Variants in SH3YL1 observed in about 807,000 individuals in gnomAD.
The protein encoded by SH3YL1 is SH3 domain-containing YSC84-like protein 1.
In SH3YL1, 41 loss-of-function variants were observed where a neutral mutation model predicts 45.8. The ratio of observed to expected loss-of-function variants is 0.89; its 90% CI spans 0.70 to 1.16. SH3YL1 has a LOEUF of 1.16. Ranked by LOEUF, SH3YL1 falls within the 50% of genes most tolerant of loss-of-function variation. The probability of loss-of-function intolerance (pLI) is 0.00; values close to 1 mark genes in which losing one functional copy is unlikely to be tolerated. For missense variants in SH3YL1, 389 were observed against 409.6 expected (o/e 0.95, Z 0.43); for synonymous variants, 152 against 151.4 (o/e 1.00, Z -0.03).
chr2:255,274 T>A (rs967653854), intron 1 of SH3YL1, among the ~76,000 whole-genome samples: 4 of 152,322 alleles, frequency 2.6e-5, no homozygotes, highest in Middle Eastern at 3.4e-3. Context: ...TAAAATGTGA[T>A]ATATTTTGGT....
chr2:244,414 T>C (rs1219147896), intron 4 of SH3YL1, among the ~76,000 whole-genome samples: 1 of 151,764 alleles, frequency 6.6e-6, no homozygotes, highest in Non-Finnish European at 1.5e-5. Context: ...GAGAATCACT[T>C]GAACCCAGGA....
chr2:219,150 C>T (rs976464359), intron 9 of SH3YL1, 149 bp from the exon 10 acceptor site: 28 of 557,182 alleles, frequency 5.0e-5, no homozygotes, highest in Non-Finnish European at 8.6e-5. Context: ...TAATTTTCAT[C>T]ACATTATTAA....
chr2:243,638 A>T, intron 4 of SH3YL1: 2 of 1,455,226 alleles, frequency 1.4e-6, no homozygotes, highest in Non-Finnish European at 1.8e-6. Flanking sequence ...GTTTAACTAA[A>T]CTTTAAGCAA....
In SH3YL1 at chr2:231,022, C is replaced by T; in HGVS notation, c.702+1G>A. On this transcript the variant is annotated splice_donor_variant, in intron 7 of 9. Coordinates refer to ENST00000356150, the MANE Select transcript of SH3YL1 (RefSeq NM_015677.4). LOFTEE classifies it high-confidence loss of function. ...GAGTGAAACATAAAACCAAACGGTA[C>T]AGAAGACTTCCTCTGCTCCCTTGCT... is the stretch of plus-strand genomic sequence containing the variant. 1 of 1,613,900 alleles carries T rather than the reference C, an allele frequency of 6.2e-7. No homozygotes were observed. Among genetic ancestry groups the T allele is most frequent in the African/African-American group, 1.3e-5 (1 of 75,020 alleles).
rs746208665 is a variant in SH3YL1, at chr2:244,496, A to AAAAGAAAG, written c.291+3034_291+3041dup. 9 of 151,276 alleles carry AAAAGAAAG rather than the reference A, an allele frequency of 5.9e-5. No homozygotes were observed. In the East Asian group the frequency reaches 9.8e-4, roughly 16 times the overall value. 9.4% of individuals were successfully genotyped at this position (151,276 alleles called of 1,614,324 possible). ...GGGCGACAGAGCAAGACTCTGCCTC[A>AAAAGAAAG]AAAGAAAGAAAGAAAGAAAGAAAGA... On this transcript the variant is annotated intron_variant, in intron 4 of 9. Transcript: ENST00000356150.
Position 228,624 on chromosome 2 carries a change from A to G in SH3YL1, c.781+1342T>C, listed in dbSNP as rs1028834684. Among the ~76,000 whole-genome samples, 3 of 152,336 alleles carry G rather than the reference A, an allele frequency of 2.0e-5. No homozygotes were observed. In the South Asian group the frequency reaches 6.2e-4, roughly 32 times the overall value. ...TAAAATAAAAATAAATTCAGTGCTCATATCTCATTAGTCACTGCAAATATG... is the reference window on the plus strand; with the variant it reads ...TAAAATAAAAATAAATTCAGTGCTCGTATCTCATTAGTCACTGCAAATATG... On this transcript the variant is annotated intron_variant, in intron 8 of 9. Coordinates refer to ENST00000356150, the MANE Select transcript of SH3YL1 (RefSeq NM_015677.4).
At chr2:263,653 A>T (rs1441960366) in intron 1 of SH3YL1, 1 of 311,620 alleles carries the variant, frequency 3.2e-6, no homozygotes, top group Non-Finnish European at 5.9e-6. Flanking sequence ...CAAACTTCAG[A>T]GACGCTTCTG....
chr2:264,076 G>A, upstream of SH3YL1: 1 of 1,342,734 alleles, frequency 7.4e-7, no homozygotes, highest in Non-Finnish European at 9.6e-7. Context: ...GCCCCAGCGA[G>A]GGCGTACCTG....
At chr2:253,591 C>T (rs1669175704) in intron 1 of SH3YL1, among the ~76,000 whole-genome samples, 1 of 152,280 alleles carries the variant, frequency 6.6e-6, no homozygotes, top group African/African-American at 2.4e-5. Context: ...AATTGCCCAC[C>T]CCTTTTCCAG....
At chr2:226,672 T>C (rs1344634762) in intron 8 of SH3YL1, among the ~76,000 whole-genome samples, 1 of 151,810 alleles carries the variant, frequency 6.6e-6, no homozygotes, top group African/African-American at 2.4e-5. Context: ...TGGTTGAGAA[T>C]GAAAATGGAC....
chr2:247,642 C>A (rs1215007251), intron 3 of SH3YL1, 40 bp from the exon 4 acceptor site: 6 of 1,464,874 alleles, frequency 4.1e-6, no homozygotes, highest in Non-Finnish European at 4.7e-6. Context: ...AACATTAAAA[C>A]ACCCTCGACA....
chr2:253,666 G>A (rs980125868), intron 1 of SH3YL1, among the ~76,000 whole-genome samples: 14 of 152,290 alleles, frequency 9.2e-5, no homozygotes, highest in Middle Eastern at 6.8e-3. Flanking sequence ...AGTATCCTTA[G>A]TTGAGCAGCC....
At chr2:257,919 C>A (rs950004701) in intron 1 of SH3YL1, among the ~76,000 whole-genome samples, 1 of 152,104 alleles carries the variant, frequency 6.6e-6, no homozygotes, top group East Asian at 1.9e-4. Flanking sequence ...GAGTCCTTTC[C>A]CCATTGCTTA....
chr2:240,569 A>G (rs943758751), intron 4 of SH3YL1: 7 of 152,246 alleles, frequency 4.6e-5, no homozygotes, highest in African/African-American at 1.7e-4. Context: ...AGCTAAGAAG[A>G]GCCCTCCTGA....
chr2:230,907 C>CACGA, intron 7 of SH3YL1, 116 bp downstream of exon 7: 2 of 916,668 alleles, frequency 2.2e-6, no homozygotes, highest in Non-Finnish European at 3.6e-6. Context: ...AATGTGAAGT[C>CACGA]AGTGAAACTA....
intron 1 of SH3YL1, among the ~76,000 whole-genome samples, chr2:258,063 G>C (rs1669431538): frequency 6.6e-6 from 1 of 152,176 alleles, no homozygotes; most frequent in Non-Finnish European, 1.5e-5. Context: ...TAGCTTTGTA[G>C]TATAGTTTGA....
At chr2:222,939 G>T (rs1287324088) in intron 9 of SH3YL1, 1 of 152,226 alleles carries the variant, frequency 6.6e-6, no homozygotes. Flanking sequence ...TTGGTAAGAG[G>T]TTAATGCCTT....
At chr2:237,070 T>C (rs866596822) in intron 4 of SH3YL1, among the ~76,000 whole-genome samples, 1 of 152,136 alleles carries the variant, frequency 6.6e-6, no homozygotes, top group Admixed American at 6.5e-5. Context: ...TTTTCACCAG[T>C]GATTGTATAA....
chr2:228,012 T>C (rs928892827), intron 8 of SH3YL1, among the ~76,000 whole-genome samples: 6 of 152,208 alleles, frequency 3.9e-5, no homozygotes, highest in African/African-American at 1.4e-4. Flanking sequence ...TAGTTTTAAA[T>C]TTTTAGTTTA....
Sources: allele counts gnomAD v4.1 joint callset (sites outside exome capture counted in the v4.1 genomes callset), GRCh38; gene constraint gnomAD v4.1.1; transcripts MANE v1.5; gene names NCBI Gene and HGNC (gene_info 2026-07-23, HGNC 2026-07-21).